Variants in DPYD observed in about 807,000 individuals in gnomAD.
DPYD encodes dihydropyrimidine dehydrogenase, also known as dihydropyrimidine dehydrogenase [NADP(+)].
Under a neutral mutation model 116.2 loss-of-function variants are expected in DPYD, and 109 were observed. That is an observed-to-expected ratio of 0.94 (90% confidence interval 0.80 to 1.10). The LOEUF (loss-of-function observed/expected upper bound fraction) is 1.10, where lower values mean the gene tolerates loss of function less well. DPYD is among the 50% of genes least tolerant of loss of function. DPYD has a pLI of 0.00. For missense variants in DPYD, 1,302 were observed against 1,254.5 expected, an observed-to-expected ratio of 1.04 and a Z score of -0.57; for synonymous variants, 440 against 432.0, an observed-to-expected ratio of 1.02 and a Z score of -0.23.
At chr1:97,751,223 C>T (rs1483245152) in intron 3 of DPYD, among the ~76,000 whole-genome samples, 1 of 150,950 alleles carries the variant, frequency 6.6e-6, no homozygotes, top group Non-Finnish European at 1.5e-5. Context: ...CTGGAACCTA[C>T]TTAGAAGAGG....
At chr1:97,269,129 A>C (rs1279168970) in intron 18 of DPYD, among the ~76,000 whole-genome samples, 3 of 152,196 alleles carry the variant, frequency 2.0e-5, no homozygotes, top group Non-Finnish European at 4.4e-5. Flanking sequence ...ATCCTAGAAC[A>C]TAGACACAAT....
chr1:97,414,053 T>C (rs985789300), intron 14 of DPYD, among the ~76,000 whole-genome samples: 6 of 151,664 alleles, frequency 4.0e-5, no homozygotes, highest in African/African-American at 1.2e-4. Context: ...GTGACTTCAC[T>C]CAGAAATAGC....
intron 13 of DPYD, among the ~76,000 whole-genome samples, chr1:97,486,110 T>G (rs1307377404): frequency 6.6e-6 from 1 of 152,144 alleles, no homozygotes; most frequent in Non-Finnish European, 1.5e-5. Flanking sequence ...AATTCATAAT[T>G]TTAAAGAGGC....
intron 16 of DPYD, among the ~76,000 whole-genome samples, chr1:97,326,395 C>G (rs1421844313): frequency 6.6e-6 from 1 of 151,780 alleles, no homozygotes; most frequent in Non-Finnish European, 1.5e-5. Flanking sequence ...GTTTTGGAAA[C>G]ATAGATTTGA....
intron 8 of DPYD, among the ~76,000 whole-genome samples, chr1:97,665,149 T>C (rs900975032): frequency 7.2e-5 from 11 of 152,074 alleles, no homozygotes; most frequent in African/African-American, 2.4e-4. Flanking sequence ...AAACATAACA[T>C]TGATTCAACT....
At chr1:97,335,505 T>C (rs964052518) in intron 16 of DPYD, among the ~76,000 whole-genome samples, 2 of 152,252 alleles carry the variant, frequency 1.3e-5, no homozygotes, top group Non-Finnish European at 1.5e-5. Context: ...GGTGTGAAGG[T>C]GGAATCTATT....
chr1:97,373,635 C>G lies in DPYD; in HGVS notation c.1984G>C (p.Ala662Pro). The G allele has an allele frequency of 6.2e-7, 1 of 1,613,720 alleles. No individual in the cohort carries two copies. The change falls in exon 16 of 23, where the codon GCA becomes CCA. Residue 662 changes from alanine to proline, a missense_variant. Coordinates refer to ENST00000370192, the MANE Select transcript of DPYD (RefSeq NM_000110.4). The stretch of plus-strand genomic sequence containing the variant: ...GATAAATTTAACTCCAGGGCATCTG[C>G]TCCAGAATCCTTTAAACAAGAAAGG... ...ELAKKSEDSG[A>P]DALELNLSCP...
intron 2 of DPYD, among the ~76,000 whole-genome samples, chr1:97,881,307 T>A (rs1272780610): frequency 6.6e-6 from 1 of 151,932 alleles, no homozygotes; most frequent in Non-Finnish European, 1.5e-5. Context: ...GAAGACACCA[T>A]CTACAAGCCA....
At position 97,549,668 on chromosome 1, in the gene DPYD, A is replaced by C; in HGVS notation, c.1416T>G (p.Ser472Arg). The C allele has an allele frequency of 6.2e-7, 1 of 1,613,908 alleles. No homozygotes were observed. The highest frequency in any genetic ancestry group is 8.5e-7 in the Non-Finnish European group (1 of 1,179,880). ...PEVDPETMQTSEAWVFAGGDV... is the reference protein window; with the variant it reads ...PEVDPETMQTREAWVFAGGDV... ...CACCACCTGCAAATACCCATGCTTC[A>C]CTAGTTTGCATAGTTTCTGGATCTA... Residue 472 changes from serine to arginine, a missense_variant, in exon 12 of 23, where the codon AGT becomes AGG. Physicochemically the swap from Ser to Arg is moderately radical, Grantham distance 110. Coordinates refer to ENST00000370192, the MANE Select transcript of DPYD (RefSeq NM_000110.4).
At chr1:97,648,916 T>C (rs1284388977) in intron 8 of DPYD, among the ~76,000 whole-genome samples, 1 of 152,032 alleles carries the variant, frequency 6.6e-6, no homozygotes, top group African/African-American at 2.4e-5. Context: ...CCTTAGAAGA[T>C]CCTCTATAGA....
chr1:97,647,423 G>A (rs1658330968), intron 8 of DPYD, among the ~76,000 whole-genome samples: 1 of 151,886 alleles, frequency 6.6e-6, no homozygotes, highest in Non-Finnish European at 1.5e-5. Flanking sequence ...AGATCATGAA[G>A]AAAACAATAA....
chr1:97,669,750 TC>T (rs1659756737), intron 8 of DPYD, among the ~76,000 whole-genome samples: 1 of 152,100 alleles, frequency 6.6e-6, no homozygotes, highest in African/African-American at 2.4e-5. Flanking sequence ...ACATAAATTA[TC>T]CCCCAAAATT....
intron 8 of DPYD, among the ~76,000 whole-genome samples, chr1:97,596,618 A>G (rs1300551860): frequency 1.3e-5 from 2 of 152,194 alleles, no homozygotes; most frequent in Non-Finnish European, 2.9e-5. Context: ...TTTTACAATG[A>G]AATGAAGGGC....
chr1:97,644,372 A>G (rs1295595300), intron 8 of DPYD, among the ~76,000 whole-genome samples: 1 of 152,136 alleles, frequency 6.6e-6, no homozygotes, highest in African/African-American at 2.4e-5. Flanking sequence ...ATATGTTGCA[A>G]ATAATTTGAG....
chr1:97,752,397 T>C (rs565561311), intron 3 of DPYD, among the ~76,000 whole-genome samples: 1 of 152,238 alleles, frequency 6.6e-6, no homozygotes, highest in South Asian at 2.1e-4. Context: ...AAATCTATGT[T>C]GATTACGCCA....
chr1:97,908,982 G>A (rs967170437), intron 1 of DPYD, among the ~76,000 whole-genome samples: 6 of 152,086 alleles, frequency 3.9e-5, no homozygotes, highest in African/African-American at 1.4e-4. Context: ...AGTTAAAAGT[G>A]GATGGAGAAC....
intron 21 of DPYD, among the ~76,000 whole-genome samples, chr1:97,085,063 G>A (rs1215355346): frequency 9.9e-5 from 15 of 152,064 alleles, no homozygotes; most frequent in Admixed American, 9.8e-4. Flanking sequence ...CAAAGTATCT[G>A]AATATGTGTA....
rs187742667 is a variant in DPYD at position 97,663,754 on chromosome 1, C to T, written c.850+15341G>A. Among the ~76,000 whole-genome samples the T allele has an allele frequency of 1.8e-4, 28 of 152,284 alleles. No homozygotes were observed. In the East Asian group the frequency reaches 5.0e-3, roughly 27 times the overall value. On this transcript the variant is annotated intron_variant, in intron 8 of 22. Transcript: ENST00000370192. ...ATCTGGTCCTGGTTTGTGTTTGTCC[C>T]TATTTGTCAGCACACGTCTCTGGAA...
At chr1:97,912,477 A>G (rs965732382) in intron 1 of DPYD, among the ~76,000 whole-genome samples, 4 of 152,138 alleles carry the variant, frequency 2.6e-5, no homozygotes, top group Admixed American at 2.6e-4. Flanking sequence ...ATATCAAATT[A>G]TATATGACTA....
Sources: gnomAD v4.1 joint callset for allele counts (sites outside exome capture counted in the v4.1 genomes callset) on GRCh38, gnomAD v4.1.1 for gene constraint, MANE v1.5 for transcripts, NCBI Gene and HGNC (gene_info 2026-07-23, HGNC 2026-07-21) for gene names.